OR6B3: variants seen among roughly 807,000 people sequenced by gnomAD.
The protein encoded by OR6B3 is olfactory receptor 6B3.
For synonymous variants in OR6B3, 148 were observed against 187.8 expected (o/e 0.79, Z 1.73); for missense variants, 315 against 427.4 (o/e 0.74, Z 2.32).
chr2:240,051,867 T>A (rs1574920969), upstream of OR6B3, among the ~76,000 whole-genome samples: 1 of 152,150 alleles, frequency 6.6e-6, no homozygotes, highest in Admixed American at 6.5e-5. Context: ...ACATGATAAA[T>A]AATACCAGCC....
At chr2:240,045,362 G>A (rs745754304) in exon 2 of OR6B3, 1 of 1,614,074 alleles carries the variant, frequency 6.2e-7, no homozygotes, top group African/African-American at 1.3e-5. Context: ...AGGTGAAGAA[G>A]GCTCTCCAGC....
At chr2:240,046,238 C>T (rs756297099) in intron 1 of OR6B3, 141 bp from the exon 3 acceptor site, 1 of 609,190 alleles carries the variant, frequency 1.6e-6, no homozygotes. Context: ...GCAAAAGCAG[C>T]TCCCCACCCA....
chr2:240,049,030 T>C (rs1698226499), upstream of OR6B3, among the ~76,000 whole-genome samples: 1 of 152,062 alleles, frequency 6.6e-6, no homozygotes, highest in Admixed American at 6.5e-5. Flanking sequence ...CACAGTTCTC[T>C]GGGTCAGCAG....
At chr2:240,045,132 C>A (rs1432689836) in exon 2 of OR6B3, 5 of 1,612,992 alleles carry the variant, frequency 3.1e-6, no homozygotes, top group Non-Finnish European at 4.2e-6. Flanking sequence ...AGAAAGCCTC[C>A]CCTCTACGGC....
the OR6B3 span, among the ~76,000 whole-genome samples, chr2:240,052,278 A>C: frequency 6.6e-6 from 1 of 152,228 alleles, no homozygotes; most frequent in East Asian, 1.9e-4. This position sits in a 1 kb window ranked among gnomAD's most constrained non-coding sequence, Gnocchi z 4.5. Flanking sequence ...AAACAGGATG[A>C]AATAATTCTT....
chr2:240,051,736 G>C (rs780855670), upstream of OR6B3, among the ~76,000 whole-genome samples: 1 of 152,176 alleles, frequency 6.6e-6, no homozygotes, highest in African/African-American at 2.4e-5. Context: ...AAGAGACTTC[G>C]AGGTTAGCAA....
At chr2:240,048,655 G>A (rs187575249), upstream of OR6B3, among the ~76,000 whole-genome samples, 2 of 152,244 alleles carry the variant, frequency 1.3e-5, no homozygotes, top group African/African-American at 4.8e-5. Context: ...AATGAGTGTC[G>A]ATGGGAAAGG....
At chr2:240,048,490 A>C (rs1698220699), upstream of OR6B3, among the ~76,000 whole-genome samples, 1 of 152,050 alleles carries the variant, frequency 6.6e-6, no homozygotes, top group Non-Finnish European at 1.5e-5. Flanking sequence ...GGGCTGGTGG[A>C]AGCTCTCTAT....
chr2:240,049,844 A>G (rs1208940556), upstream of OR6B3, among the ~76,000 whole-genome samples: 1 of 152,184 alleles, frequency 6.6e-6, no homozygotes, highest in East Asian at 1.9e-4. Flanking sequence ...TTGGGAAAGG[A>G]TAAGATTGTA....
At chr2:240,048,473 G>A (rs1057425543), upstream of OR6B3, among the ~76,000 whole-genome samples, 16 of 152,134 alleles carry the variant, frequency 1.1e-4, no homozygotes, top group African/African-American at 3.4e-4. Context: ...GGTACGAGCC[G>A]GCTGCAGGGC....
chr2:240,052,979 T>C, the OR6B3 span, among the ~76,000 whole-genome samples: 1 of 152,128 alleles, frequency 6.6e-6, no homozygotes, highest in Non-Finnish European at 1.5e-5. The surrounding 1 kb of genome is among the most constrained non-coding windows in gnomAD (Gnocchi z 4.5). Flanking sequence ...TTTGTGTCTG[T>C]TTTAGTAGAG....
At chr2:240,045,375 C>T in exon 2 of OR6B3, 2 of 1,614,192 alleles carry the variant, frequency 1.2e-6, no homozygotes, top group Non-Finnish European at 1.7e-6. Context: ...TCTCCAGCAG[C>T]CGGTGGCCGA....
upstream of OR6B3, among the ~76,000 whole-genome samples, chr2:240,050,425 T>C (rs1161605475): frequency 6.6e-6 from 1 of 152,056 alleles, no homozygotes; most frequent in Non-Finnish European, 1.5e-5. Context: ...TCAGAAGAAA[T>C]GGACAGGGGC....
upstream of OR6B3, among the ~76,000 whole-genome samples, chr2:240,047,457 C>T (rs1201972240): frequency 6.6e-6 from 1 of 152,148 alleles, no homozygotes; most frequent in African/African-American, 2.4e-5. Context: ...TGCCTCCGCT[C>T]ATACAAGTAA....
chr2:240,051,365 A>G (rs1033571810), upstream of OR6B3, among the ~76,000 whole-genome samples: 15 of 152,342 alleles, frequency 9.8e-5, no homozygotes, highest in Admixed American at 7.2e-4. Context: ...AAAAAGGTCT[A>G]TTTTTGAGAA....
At chr2:240,047,845 A>G (rs981570737), upstream of OR6B3, among the ~76,000 whole-genome samples, 7 of 152,238 alleles carry the variant, frequency 4.6e-5, no homozygotes, top group African/African-American at 1.7e-4. Context: ...AAAAGTTTCA[A>G]TTATGATATT....
At chr2:240,049,285 AT>A (rs10716405), upstream of OR6B3, among the ~76,000 whole-genome samples, 66,268 of 151,882 alleles carry the variant, frequency 0.44, 15,278 homozygotes, top group African/African-American at 0.59. Flanking sequence ...AATAAGTTAT[AT>A]TTTTTTGTAC....
chr2:240,047,091 A>G (rs1698202227), upstream of OR6B3: 1 of 152,202 alleles, frequency 6.6e-6, no homozygotes, highest in Non-Finnish European at 1.5e-5. Context: ...AGATGTGTAG[A>G]TTCAGTTGTT....
chr2:240,045,670 G>GGA lies in OR6B3; in HGVS notation c.401_402dup (p.Leu135SerfsTer3). 1 of 1,348,670 alleles carries GGA rather than the reference G, an allele frequency of 7.4e-7. No homozygotes were observed. Among genetic ancestry groups the GGA allele is most frequent in the Non-Finnish European group, 1.1e-6 (1 of 950,504 alleles). 83.5% of individuals were successfully genotyped at this position (1,348,670 alleles called of 1,614,324 possible). ...TGGAGGCACAGCCCCGGGGTCACAA[G>GGA]GACGTGGTAGCGCAGCGGGTGGCAG... is the stretch of plus-strand genomic sequence containing the variant. On this transcript the variant is annotated frameshift_variant, in exon 2 of 2. Transcript: ENST00000641019. LOFTEE classifies it low-confidence loss of function (END_TRUNC).
Sources: gnomAD v4.1 joint callset for allele counts (sites outside exome capture counted in the v4.1 genomes callset) on GRCh38, gnomAD v4.1.1 for gene constraint, Gnocchi (gnomAD v3.1) non-coding constraint, MANE v1.5 for transcripts, NCBI Gene and HGNC (gene_info 2026-07-23, HGNC 2026-07-21) for gene names.